Variants in MAPRE2 observed in about 807,000 individuals in gnomAD.
MAPRE2 encodes microtubule-associated protein RP/EB family member 2.
Under a neutral mutation model 43.2 loss-of-function variants are expected in MAPRE2, and 13 were observed. That is an observed-to-expected ratio of 0.30 (90% CI 0.20 to 0.48). MAPRE2 has a LOEUF of 0.48. Ranked by LOEUF, MAPRE2 falls within the 20% of genes least tolerant of loss-of-function variation. The probability of loss-of-function intolerance (pLI) is 0.99; values close to 1 mark genes in which losing one functional copy is unlikely to be tolerated. For missense variants in MAPRE2, 161 were observed against 400.2 expected (o/e 0.40, Z 5.10); for synonymous variants, 135 against 148.8 (o/e 0.91, Z 0.68).
At chr18:35,071,801 T>A (rs1907129723) in intron 2 of MAPRE2, among the ~76,000 whole-genome samples, 1 of 152,208 alleles carries the variant, frequency 6.6e-6, no homozygotes, top group Non-Finnish European at 1.5e-5. Flanking sequence ...TTGAGTATGA[T>A]TGACATCCTT....
chr18:35,073,981 A>T (rs970288936), intron 2 of MAPRE2, among the ~76,000 whole-genome samples: 1 of 152,232 alleles, frequency 6.6e-6, no homozygotes, highest in African/African-American at 2.4e-5. Flanking sequence ...TTCTTTGAAC[A>T]TTAAATCTGG....
At chr18:34,981,176 C>A (rs2097016008) in intron 1 of MAPRE2, among the ~76,000 whole-genome samples, 1 of 151,466 alleles carries the variant, frequency 6.6e-6, no homozygotes, top group African/African-American at 2.4e-5. Flanking sequence ...AGTTCAAGAC[C>A]AGCCTGGCCA....
At chr18:35,018,898 C>G (rs1314821804) in intron 2 of MAPRE2, among the ~76,000 whole-genome samples, 1 of 151,696 alleles carries the variant, frequency 6.6e-6, no homozygotes, top group Non-Finnish European at 1.5e-5. Context: ...CTCTGCTTCC[C>G]TTTGGTATGA....
chr18:35,053,694 A>C (rs975931716), intron 1 of MAPRE2, among the ~76,000 whole-genome samples: 1 of 152,188 alleles, frequency 6.6e-6, no homozygotes, highest in Non-Finnish European at 1.5e-5. Context: ...CTTTAATTGT[A>C]ACAAGGATAC....
At chr18:35,136,789 G>A (rs767626497) in intron 6 of MAPRE2, among the ~76,000 whole-genome samples, 1 of 152,188 alleles carries the variant, frequency 6.6e-6, no homozygotes, top group Non-Finnish European at 1.5e-5. Flanking sequence ...GTGGCCTAGA[G>A]CCTTCTTCAA....
chr18:34,998,895 C>A (rs2097027962), intron 1 of MAPRE2, among the ~76,000 whole-genome samples: 1 of 148,974 alleles, frequency 6.7e-6, no homozygotes, highest in African/African-American at 2.5e-5. Flanking sequence ...GTCACAGTAG[C>A]CCTTGATACC....
At chr18:35,140,251 T>A in intron 6 of MAPRE2, 44 bp from the exon 7 acceptor site, 1 of 1,561,340 alleles carries the variant, frequency 6.4e-7, no homozygotes, top group Non-Finnish European at 8.8e-7. Flanking sequence ...CAGGGCCCCA[T>A]TCCCAGTCAA....
intron 4 of MAPRE2, among the ~76,000 whole-genome samples, chr18:35,115,132 T>C (rs988171380): frequency 2.6e-5 from 4 of 152,222 alleles, no homozygotes; most frequent in Non-Finnish European, 5.9e-5. Flanking sequence ...TTTGTCTTGC[T>C]CAATCATTGT....
At chr18:35,130,452 G>A (rs865848689) in intron 5 of MAPRE2, among the ~76,000 whole-genome samples, 2 of 152,170 alleles carry the variant, frequency 1.3e-5, no homozygotes, top group African/African-American at 4.8e-5. Flanking sequence ...TCTACAGGAT[G>A]GATATGGTTT....
chr18:35,096,459 A>G (rs544029263), intron 2 of MAPRE2, among the ~76,000 whole-genome samples: 2 of 152,296 alleles, frequency 1.3e-5, no homozygotes, highest in South Asian at 2.1e-4. Context: ...GCTTGCCAGA[A>G]TTTCCCAGTT....
chr18:35,063,497 AAG>A (rs1334495662), intron 1 of MAPRE2, among the ~76,000 whole-genome samples: 1 of 151,582 alleles, frequency 6.6e-6, no homozygotes, highest in Non-Finnish European at 1.5e-5. Context: ...AAAAAAAAAA[AAG>A]GAGAAGAAGG....
chr18:34,985,315 A>ATATATAATATAATATATAATATATTATT (rs1568961567), intron 1 of MAPRE2, among the ~76,000 whole-genome samples: 1 of 9,284 alleles, frequency 1.1e-4, no homozygotes, highest in African/African-American at 3.0e-4. Context: ...TATATATTAT[A>ATATATAATATAATATATAATATATTATT]TTATATATAT....
At chr18:35,066,050 T>C (rs572329479) in intron 1 of MAPRE2, among the ~76,000 whole-genome samples, 1 of 152,284 alleles carries the variant, frequency 6.6e-6, no homozygotes, top group East Asian at 1.9e-4. Flanking sequence ...GATCCAAACA[T>C]GAGAATAAAC....
At chr18:35,094,885 G>C (rs1159401191) in intron 2 of MAPRE2, among the ~76,000 whole-genome samples, 1 of 152,138 alleles carries the variant, frequency 6.6e-6, no homozygotes, top group African/African-American at 2.4e-5. Context: ...CAGATACTGA[G>C]GCAGGATTCA....
At chr18:35,058,772 G>T (rs1486066853) in intron 1 of MAPRE2, among the ~76,000 whole-genome samples, 1 of 135,884 alleles carries the variant, frequency 7.4e-6, no homozygotes, top group African/African-American at 2.7e-5. Flanking sequence ...ATGAGATCTT[G>T]GTAGAATTTA....
intron 2 of MAPRE2, among the ~76,000 whole-genome samples, chr18:35,031,906 C>G (rs2097048022): frequency 6.6e-6 from 1 of 151,996 alleles, no homozygotes; most frequent in African/African-American, 2.4e-5. Context: ...TTACTTAAGG[C>G]CAGGAGGTAT....
At chr18:35,139,933 C>T (rs192188786) in intron 6 of MAPRE2, among the ~76,000 whole-genome samples, 38 of 152,332 alleles carry the variant, frequency 2.5e-4, no homozygotes, top group Admixed American at 2.5e-3. Flanking sequence ...AGCAGCTTTA[C>T]TCATGGTTGT....
intron 3 of MAPRE2, among the ~76,000 whole-genome samples, chr18:35,101,024 A>C (rs77678578): frequency 2.0e-5 from 3 of 152,362 alleles, no homozygotes; most frequent in African/African-American, 7.2e-5. Flanking sequence ...GGGCGACAAG[A>C]GTGAAACTCC....
intron 6 of MAPRE2, among the ~76,000 whole-genome samples, chr18:35,135,169 C>T (rs1910330635): frequency 6.6e-6 from 1 of 152,200 alleles, no homozygotes; most frequent in Non-Finnish European, 1.5e-5. Flanking sequence ...ACACATCAGG[C>T]TATACTGAGT....
Sources: gnomAD v4.1 joint callset for allele counts (sites outside exome capture counted in the v4.1 genomes callset) on GRCh38, gnomAD v4.1.1 for gene constraint, MANE v1.5 for transcripts, NCBI Gene and HGNC (gene_info 2026-07-23, HGNC 2026-07-21) for gene names.